ME1: variants seen among roughly 807,000 people sequenced by gnomAD.
ME1 encodes the protein malic enzyme 1.
In ME1, 74 loss-of-function variants were observed where a neutral mutation model predicts 66.4. That is an observed-to-expected ratio of 1.11 (90% CI 0.92 to 1.35). ME1 has a LOEUF of 1.35. Ranked by LOEUF, ME1 falls within the 40% of genes most tolerant of loss-of-function variation. The pLI is 0.00. For synonymous variants in ME1, 251 were observed against 235.6 expected (o/e 1.07, Z -0.60); for missense variants, 750 against 694.1 (o/e 1.08, Z -0.90).
Position 83,346,242 on chromosome 6 carries a change from A to G in ME1, c.531T>C (p.Tyr177=). 1 of 1,613,788 alleles carries G rather than the reference A, an allele frequency of 6.2e-7. No individual in the cohort carries two copies. Among genetic ancestry groups the G allele is most frequent in the Non-Finnish European group, 8.5e-7 (1 of 1,179,764 alleles). ...MGIPVGKLAL[Y]TACGGMNPQE... ...GAGGATTCATCCCTCCGCAAGCTGT[A>G]TATAGAGCCAATTTACCCACAGGGA... is the stretch of plus-strand genomic sequence containing the variant. The change falls in exon 5 of 14, where the codon TAT becomes TAC. Residue 177 remains tyrosine, a synonymous_variant. Coordinates refer to ENST00000369705, the MANE Select transcript of ME1 (RefSeq NM_002395.6).
At chr6:83,272,468 A>C (rs572815601) in intron 6 of ME1, among the ~76,000 whole-genome samples, 1 of 152,300 alleles carries the variant, frequency 6.6e-6, no homozygotes, top group South Asian at 2.1e-4. Flanking sequence ...CTTAAAATTG[A>C]GGTATATAAT....
intron 6 of ME1, among the ~76,000 whole-genome samples, chr6:83,282,422 A>C (rs2128533283): frequency 6.6e-6 from 1 of 151,384 alleles, no homozygotes; most frequent in African/African-American, 2.5e-5. Flanking sequence ...TACAAGAAAA[A>C]ACAAACAATC....
intron 8 of ME1, 93 bp from the exon 9 acceptor site, chr6:83,237,923 C>G: frequency 1.7e-6 from 1 of 591,122 alleles, no homozygotes. Flanking sequence ...TTAGTGGGAA[C>G]AAAATATTTT....
intron 6 of ME1, among the ~76,000 whole-genome samples, chr6:83,303,537 C>T (rs1444780831): frequency 1.3e-5 from 2 of 152,002 alleles, no homozygotes; most frequent in Admixed American, 6.6e-5. Flanking sequence ...TTTTGTTATG[C>T]AAAACAAAAT....
rs922362757 is a variant in ME1, at chr6:83,326,510, C to T, written c.601-11097G>A. On this transcript the variant is annotated intron_variant, in intron 5 of 13. Transcript: ENST00000369705. The stretch of plus-strand genomic sequence containing the variant: ...ATCCATCTGACAATGGGCTAATATC[C>T]AGAATCTACAAGGAACTTAAATTTA... Among the ~76,000 whole-genome samples, 4 of 145,866 alleles carry T rather than the reference C, an allele frequency of 2.7e-5. No homozygotes were observed. The Admixed American group carries it at 2.8e-4, about 10-fold the overall frequency.
rs746168147 is a variant in ME1, at chr6:83,398,489, A to G, written c.240T>C (p.Asp80=). 3 of 1,567,232 alleles carry G rather than the reference A, an allele frequency of 1.9e-6. No individual in the cohort carries two copies. The highest frequency in any genetic ancestry group is 1.8e-5 in the Admixed American group (1 of 54,882). ...DRYLLLMDLQ[D]RNEKLFYRVL... ...CTCTATAAAAGAGTTTTTCATTTCT[A>G]TCTTGGAGATCCATTAAGAGAAGAT... Residue 80 remains aspartate, a synonymous_variant, in exon 3 of 14, where the codon GAT becomes GAC. Transcript: ENST00000369705.
At position 83,237,421 on chromosome 6, in the gene ME1, A is replaced by G. The variant is rs567897713; in HGVS notation, c.1026+296T>C. 7.2e-5 allele frequency among the ~76,000 whole-genome samples: 11 copies of G among 151,754 alleles called. 1 individual carries two copies. In the South Asian group the frequency reaches 2.3e-3, roughly 32 times the overall value. ...AGGAAAGAAAGAAAAAGAAAGAAAG[A>G]AAGAGAAAGGAAAGAAAGGAAGGAA... is the stretch of plus-strand genomic sequence containing the variant. On this transcript the variant is annotated intron_variant, in intron 9 of 13. Transcript: ENST00000369705.
chr6:83,396,964 T>G (rs2128550546), intron 3 of ME1, among the ~76,000 whole-genome samples: 1 of 152,042 alleles, frequency 6.6e-6, no homozygotes. Context: ...GACCCTTATT[T>G]CACACCATAT....
intron 3 of ME1, among the ~76,000 whole-genome samples, chr6:83,355,109 A>ATT (rs1768864261): frequency 6.6e-6 from 1 of 152,164 alleles, no homozygotes; most frequent in South Asian, 2.1e-4. Flanking sequence ...TAAGGTATAT[A>ATT]TTTCTTTTGG....
intron 3 of ME1, among the ~76,000 whole-genome samples, chr6:83,371,574 T>C (rs564934229): frequency 6.6e-6 from 1 of 152,268 alleles, no homozygotes; most frequent in South Asian, 2.1e-4. Flanking sequence ...ATATAAGCCA[T>C]ACAGACAGAC....
At chr6:83,222,141 T>C (rs1790106097) in intron 12 of ME1, among the ~76,000 whole-genome samples, 1 of 152,242 alleles carries the variant, frequency 6.6e-6, no homozygotes, top group African/African-American at 2.4e-5. Flanking sequence ...AACTCTGATG[T>C]GCCTATTCTA....
chr6:83,272,325 C>A (rs1313025050), intron 6 of ME1, among the ~76,000 whole-genome samples: 2 of 150,220 alleles, frequency 1.3e-5, no homozygotes, highest in African/African-American at 4.9e-5. Flanking sequence ...ATTTTTTTTT[C>A]TGAAATATAA....
intron 13 of ME1, 31 bp from the exon 14 acceptor site, chr6:83,212,125 T>A: frequency 6.6e-7 from 1 of 1,505,018 alleles, no homozygotes; most frequent in Non-Finnish European, 9.0e-7. Flanking sequence ...TTAATTATTT[T>A]AATAAATAGA....
At chr6:83,391,313 A>G (rs551007488) in intron 3 of ME1, among the ~76,000 whole-genome samples, 1 of 152,186 alleles carries the variant, frequency 6.6e-6, no homozygotes, top group Non-Finnish European at 1.5e-5. Context: ...TCCAGAGCCC[A>G]TACTTTCAAT....
At chr6:83,415,667 C>A (rs1770145352) in intron 1 of ME1, among the ~76,000 whole-genome samples, 1 of 152,128 alleles carries the variant, frequency 6.6e-6, no homozygotes, top group African/African-American at 2.4e-5. Context: ...ATTTAAAAAT[C>A]TCCCAAATAA....
intron 5 of ME1, among the ~76,000 whole-genome samples, chr6:83,341,550 T>C (rs948756716): frequency 3.3e-5 from 5 of 152,184 alleles, no homozygotes; most frequent in African/African-American, 1.2e-4. Context: ...TAATTTACTC[T>C]CCTTTTAGAA....
intron 6 of ME1, among the ~76,000 whole-genome samples, chr6:83,294,350 C>T (rs1325767154): frequency 3.3e-5 from 5 of 152,116 alleles, no homozygotes; most frequent in African/African-American, 1.2e-4. Flanking sequence ...TCTGACATTC[C>T]AACTCTAAGA....
chr6:83,384,797 G>A (rs1769476668), intron 3 of ME1, among the ~76,000 whole-genome samples: 1 of 151,746 alleles, frequency 6.6e-6, no homozygotes, highest in Non-Finnish European at 1.5e-5. Flanking sequence ...AATCTATCTT[G>A]AGTTAATTGT....
chr6:83,323,832 C>T (rs774171687), intron 5 of ME1, among the ~76,000 whole-genome samples: 7 of 152,106 alleles, frequency 4.6e-5, no homozygotes, highest in Non-Finnish European at 8.8e-5. Context: ...TTGGACCAAG[C>T]CTACCTAATA....
Sources: gnomAD v4.1 joint callset for allele counts (sites outside exome capture counted in the v4.1 genomes callset) on GRCh38, gnomAD v4.1.1 for gene constraint, MANE v1.5 for transcripts, NCBI Gene and HGNC (gene_info 2026-07-23, HGNC 2026-07-21) for gene names.